Variants in C8orf34 observed in about 807,000 individuals in gnomAD.
C8orf34 encodes uncharacterized protein C8orf34.
Under a neutral mutation model 68.3 loss-of-function variants are expected in C8orf34, and 65 were observed. That is an observed-to-expected ratio of 0.95 (90% CI 0.78 to 1.17). The LOEUF is 1.17. C8orf34 is among the 50% of genes most tolerant of loss of function. The pLI, the probability that C8orf34 is intolerant of heterozygous loss-of-function variation, is 0.00. For synonymous variants in C8orf34, 244 were observed against 241.2 expected (o/e 1.01, Z -0.11); for missense variants, 664 against 655.4 (o/e 1.01, Z -0.14).
In C8orf34 at chr8:68,542,003, T is replaced by C. The variant is rs952163947; in HGVS notation, c.1105+8854T>C. ...ATGTATATGCATTTGTTTTTGTTATTAGGTGGGTGCAAAAGAAATTGCAGT... is the reference window on the plus strand; with the variant it reads ...ATGTATATGCATTTGTTTTTGTTATCAGGTGGGTGCAAAAGAAATTGCAGT... On this transcript the variant is annotated intron_variant, in intron 7 of 13. Transcript: ENST00000518698. 2.0e-5 allele frequency among the ~76,000 whole-genome samples: 3 copies of C among 152,222 alleles called. No individual in the cohort carries two copies. The East Asian group carries it at 5.8e-4, about 29-fold the overall frequency.
chr8:68,492,892 G>C (rs890546900), intron 5 of C8orf34, among the ~76,000 whole-genome samples: 3 of 151,966 alleles, frequency 2.0e-5, no homozygotes, highest in African/African-American at 7.2e-5. Context: ...CCACAGAAAG[G>C]CTTTGGATTG....
At chr8:68,773,770 C>T (rs967880163) in intron 10 of C8orf34, among the ~76,000 whole-genome samples, 54 of 152,078 alleles carry the variant, frequency 3.6e-4, no homozygotes, top group African/African-American at 9.4e-4. Context: ...AACCAAACTC[C>T]CGTTGTATGG....
At chr8:68,556,538 A>G (rs1042816535) in intron 7 of C8orf34, among the ~76,000 whole-genome samples, 23 of 152,070 alleles carry the variant, frequency 1.5e-4, no homozygotes, top group African/African-American at 5.6e-4. Context: ...TATGTAGCGC[A>G]CAAGTCAGGA....
At chr8:68,441,391 C>T (rs1256183982) in intron 2 of C8orf34, among the ~76,000 whole-genome samples, 1 of 152,296 alleles carries the variant, frequency 6.6e-6, no homozygotes, top group South Asian at 2.1e-4. Context: ...AGAGTTCCTG[C>T]CACATGTCTC....
chr8:68,701,104 A>AG (rs1466507087), intron 8 of C8orf34, among the ~76,000 whole-genome samples: 2 of 152,088 alleles, frequency 1.3e-5, no homozygotes, highest in African/African-American at 4.8e-5. Flanking sequence ...TAATATCATA[A>AG]TATTCTAAGT....
chr8:68,796,706 A>G (rs1477517438), intron 12 of C8orf34, among the ~76,000 whole-genome samples: 2 of 152,186 alleles, frequency 1.3e-5, no homozygotes, highest in African/African-American at 4.8e-5. Flanking sequence ...ACTTGAGGAA[A>G]TGGCACAGAG....
At chr8:68,734,535 T>C (rs1420088022) in intron 10 of C8orf34, among the ~76,000 whole-genome samples, 1 of 152,216 alleles carries the variant, frequency 6.6e-6, no homozygotes. Context: ...TAGTCTTTTC[T>C]ATTCCCAACA....
At chr8:68,811,061 G>A (rs1226226453) in intron 12 of C8orf34, among the ~76,000 whole-genome samples, 1 of 152,160 alleles carries the variant, frequency 6.6e-6, no homozygotes, top group African/African-American at 2.4e-5. Flanking sequence ...TGCCATTCAC[G>A]GTGCCCATGG....
intron 1 of C8orf34, among the ~76,000 whole-genome samples, chr8:68,335,100 C>T (rs946359490): frequency 5.9e-5 from 9 of 152,062 alleles, no homozygotes; most frequent in East Asian, 1.9e-4. Context: ...GGATCACAGC[C>T]GTGGGCTACC....
chr8:68,642,389 T>C (rs1477732582), intron 8 of C8orf34, among the ~76,000 whole-genome samples: 3 of 152,220 alleles, frequency 2.0e-5, no homozygotes, highest in Non-Finnish European at 4.4e-5. Flanking sequence ...GAGCAGCTAC[T>C]ATAGCTAGAA....
At chr8:68,674,430 A>G (rs776746945) in intron 8 of C8orf34, among the ~76,000 whole-genome samples, 1 of 152,200 alleles carries the variant, frequency 6.6e-6, no homozygotes, top group Non-Finnish European at 1.5e-5. Context: ...TTAGAACCCT[A>G]TCAAATAAAT....
chr8:68,474,920 T>C (rs773863078), intron 4 of C8orf34, among the ~76,000 whole-genome samples: 3 of 152,232 alleles, frequency 2.0e-5, no homozygotes, highest in Non-Finnish European at 4.4e-5. Flanking sequence ...TTCTCCATTC[T>C]GCCAATCAGC....
chr8:68,773,526 G>A (rs1034706637), intron 10 of C8orf34, among the ~76,000 whole-genome samples: 4 of 151,774 alleles, frequency 2.6e-5, no homozygotes, highest in Non-Finnish European at 5.9e-5. Context: ...TCAGCCTCCC[G>A]AGTAGCTAGG....
intron 3 of C8orf34, among the ~76,000 whole-genome samples, chr8:68,448,691 C>T (rs1036810516): frequency 2.6e-5 from 4 of 152,046 alleles, no homozygotes; most frequent in East Asian, 1.9e-4. Context: ...GAAGTACAGA[C>T]GTGCCCACAA....
chr8:68,538,911 G>A (rs1243368043), intron 7 of C8orf34, among the ~76,000 whole-genome samples: 1 of 152,126 alleles, frequency 6.6e-6, no homozygotes, highest in African/African-American at 2.4e-5. Context: ...TGTATCTCTA[G>A]TAGCAAAAGT....
intron 1 of C8orf34, among the ~76,000 whole-genome samples, chr8:68,434,787 C>T (rs1810588706): frequency 6.6e-6 from 1 of 152,114 alleles, no homozygotes; most frequent in Admixed American, 6.5e-5. Context: ...TGGCTCATGC[C>T]TGTAATCCCA....
chr8:68,544,861 A>T (rs1271868083), intron 7 of C8orf34, among the ~76,000 whole-genome samples: 3 of 152,190 alleles, frequency 2.0e-5, no homozygotes, highest in Admixed American at 2.0e-4. Context: ...AAAAGCAAAG[A>T]TTAAAGAAAA....
At chr8:68,508,485 A>T (rs1165741288) in intron 5 of C8orf34, among the ~76,000 whole-genome samples, 1 of 152,196 alleles carries the variant, frequency 6.6e-6, no homozygotes, top group Non-Finnish European at 1.5e-5. Flanking sequence ...ATTTAGCCAT[A>T]GCTACGTACT....
In C8orf34 at chr8:68,390,709, A is replaced by G. The variant is rs73260717; in HGVS notation, c.328-48790A>G. 6.5e-3 allele frequency among the ~76,000 whole-genome samples: 997 copies of G among 152,292 alleles called. 12 individuals are homozygous for G. The highest frequency in any genetic ancestry group is 0.023 in the African/African-American group (957 of 41,568). On this transcript the variant is annotated intron_variant, in intron 1 of 13. Coordinates refer to ENST00000518698, the MANE Select transcript of C8orf34 (RefSeq NM_052958.4). ...CTCTTAGAAGCTCAGATTTTTATCT[A>G]TAAAATGGAGATGAAGGTTACCTTT...
Sources: allele counts gnomAD v4.1 joint callset (sites outside exome capture counted in the v4.1 genomes callset), GRCh38; gene constraint gnomAD v4.1.1; transcripts MANE v1.5; gene names NCBI Gene and HGNC (gene_info 2026-07-23, HGNC 2026-07-21).